API5: variants seen among roughly 807,000 people sequenced by gnomAD.
The protein encoded by API5 is apoptosis inhibitor 5.
API5 carries 6 observed loss-of-function variants against 71.9 expected under a neutral mutation model. That is an observed-to-expected ratio of 0.08 (90% CI 0.05 to 0.16). API5 has a LOEUF of 0.16. Among genes scored for constraint, API5 ranks in the 10% least tolerant of loss-of-function variants. API5 has a pLI of 1.00. For synonymous variants in API5, 189 were observed against 221.3 expected (o/e 0.85, Z 1.30); for missense variants, 332 against 612.8 (o/e 0.54, Z 4.84).
At chr11:43,314,679 A>C (rs1274512727) in intron 1 of API5, among the ~76,000 whole-genome samples, 1 of 152,218 alleles carries the variant, frequency 6.6e-6, no homozygotes, top group Non-Finnish European at 1.5e-5. Flanking sequence ...TCAAGCAACT[A>C]TTTAAACAGT....
intron 13 of API5, among the ~76,000 whole-genome samples, chr11:43,338,647 GTAAAAAAA>G (rs1855512859): frequency 4.5e-5 from 1 of 22,166 alleles, no homozygotes; most frequent in African/African-American, 7.3e-5. Context: ...TCAATTGGAG[GTAAAAAAA>G]AAAAAAAAAA....
chr11:43,316,219 T>C (rs1000111116), intron 1 of API5, among the ~76,000 whole-genome samples: 1 of 152,230 alleles, frequency 6.6e-6, no homozygotes, highest in Non-Finnish European at 1.5e-5. Context: ...CTCTGAGCCC[T>C]AGTTTCCTCA....
At chr11:43,318,933 C>G in intron 2 of API5, 132 bp downstream of exon 2, 3 of 841,956 alleles carry the variant, frequency 3.6e-6, no homozygotes, top group Non-Finnish European at 5.3e-6. Context: ...TGGCATCACA[C>G]CCAGGCTTAA....
At chr11:43,322,241 T>C (rs576423092) in intron 5 of API5, 105 bp downstream of exon 5, 5 of 1,121,754 alleles carry the variant, frequency 4.5e-6, no homozygotes, top group Admixed American at 5.4e-5. Context: ...TAAAATGATA[T>C]ATCATATATC....
chr11:43,325,175 G>A lies in API5; in HGVS notation c.751-1332G>A, dbSNP rs185511608. 2.4e-4 allele frequency among the ~76,000 whole-genome samples: 37 copies of A among 152,050 alleles called. 1 individual carries two copies. The highest frequency in any genetic ancestry group is 8.7e-4 in the African/African-American group (36 of 41,482). On this transcript the variant is annotated intron_variant, in intron 6 of 13. Transcript: ENST00000531273. Reference sequence around the variant, plus strand: ...CAAAATAAACTTGTACTTATAACATGTCTGAACAGGATATAGTTTGAGGAA... The same window carrying A: ...CAAAATAAACTTGTACTTATAACATATCTGAACAGGATATAGTTTGAGGAA...
chr11:43,342,359 C>T (rs1855645973), intron 13 of API5, 69 bp from the exon 14 acceptor site: 24 of 1,331,640 alleles, frequency 1.8e-5, no homozygotes, highest in South Asian at 7.0e-5. Context: ...TTATGAGCTA[C>T]GTTTCTTCTG....
At chr11:43,333,550 A>G (rs1270023341) in intron 11 of API5, among the ~76,000 whole-genome samples, 1 of 152,182 alleles carries the variant, frequency 6.6e-6, no homozygotes, top group African/African-American at 2.4e-5. Flanking sequence ...ACATTAATAC[A>G]GATAGATTAC....
chr11:43,324,785 C>G (rs544160999), intron 6 of API5, among the ~76,000 whole-genome samples: 49 of 152,178 alleles, frequency 3.2e-4, no homozygotes, highest in African/African-American at 1.2e-3. Context: ...TCAAGCAATT[C>G]TCGTGCCTCA....
intron 13 of API5, among the ~76,000 whole-genome samples, chr11:43,340,423 C>T (rs1022261598): frequency 6.6e-6 from 1 of 151,848 alleles, no homozygotes; most frequent in African/African-American, 2.4e-5. Flanking sequence ...GAAATTGCCA[C>T]CAAAAAAAAT....
chr11:43,335,488 A>AATGTAAAATCTAATTTCAATAT (rs1855402906), intron 12 of API5, 134 bp downstream of exon 12: 1 of 591,198 alleles, frequency 1.7e-6, no homozygotes, highest in East Asian at 3.0e-5. Context: ...TATGACTTAA[A>AATGTAAAATCTAATTTCAATAT]ATGTAAAATC....
intron 1 of API5, among the ~76,000 whole-genome samples, chr11:43,315,311 A>G (rs1165395684): frequency 6.6e-6 from 1 of 152,150 alleles, no homozygotes; most frequent in African/African-American, 2.4e-5. Flanking sequence ...ACTTACTAAT[A>G]ATGCTTCAGA....
intron 13 of API5, 57 bp from the exon 14 acceptor site, chr11:43,342,371 G>T (rs1197067294): frequency 6.9e-7 from 1 of 1,456,040 alleles, no homozygotes; most frequent in African/African-American, 1.4e-5. Flanking sequence ...TTTCTTCTGC[G>T]TTTGCTGCAC....
At chr11:43,325,358 C>T (rs550052085) in intron 6 of API5, among the ~76,000 whole-genome samples, 1 of 152,128 alleles carries the variant, frequency 6.6e-6, no homozygotes, top group Non-Finnish European at 1.5e-5. Context: ...GAGACAATGT[C>T]CCCAAAGAAA....
chr11:43,325,850 A>C (rs1297269021), intron 6 of API5, among the ~76,000 whole-genome samples: 1 of 152,172 alleles, frequency 6.6e-6, no homozygotes, highest in Non-Finnish European at 1.5e-5. Context: ...GGGATGCTCA[A>C]GACATTTTGC....
At chr11:43,320,978 G>C in intron 3 of API5, 64 bp downstream of exon 3, 1 of 1,388,764 alleles carries the variant, frequency 7.2e-7, no homozygotes, top group Non-Finnish European at 1.0e-6. Context: ...TGTTGACTCT[G>C]TTTTTAGGTT....
In API5 at chr11:43,320,945, A is replaced by G. The variant is rs73547383; in HGVS notation, c.325+31A>G. 2,861 of 1,528,972 alleles carry G rather than the reference A, an allele frequency of 1.9e-3. 53 individuals carry two copies. The African/African-American group carries it at 0.033, about 18-fold the overall frequency. The allele number at this position is 1,528,972 out of a possible 1,614,324, so 94.7% of individuals were successfully genotyped here. A position where few individuals can be genotyped will look rare whatever the true frequency, so the allele number is the denominator to read the frequency against. The stretch of plus-strand genomic sequence containing the variant: ...GGATTTTATTATTACCTTTTTCTCT[A>G]AATATATATCTTCTTTCTGAAATGT... On this transcript the variant is annotated intron_variant, in intron 3 of 13. Coordinates refer to ENST00000531273, the MANE Select transcript of API5 (RefSeq NM_001142930.2).
intron 5 of API5, among the ~76,000 whole-genome samples, chr11:43,322,616 C>A (rs763032327): frequency 3.4e-4 from 51 of 152,188 alleles, no homozygotes; most frequent in Non-Finnish European, 6.5e-4. Flanking sequence ...CTAAGATTGG[C>A]AAGGTGCGTC....
chr11:43,329,534 A>G (rs996265436), intron 9 of API5, among the ~76,000 whole-genome samples: 1 of 152,204 alleles, frequency 6.6e-6, no homozygotes, highest in African/African-American at 2.4e-5. Context: ...ATAGAGTTGT[A>G]AGAATTTAAT....
At chr11:43,323,849 A>G (rs1374679867) in intron 6 of API5, among the ~76,000 whole-genome samples, 1 of 152,124 alleles carries the variant, frequency 6.6e-6, no homozygotes, top group Admixed American at 6.5e-5. Flanking sequence ...TTTAATGAGC[A>G]TTTCCTTTGA....
Sources: allele counts gnomAD v4.1 joint callset (sites outside exome capture counted in the v4.1 genomes callset), GRCh38; gene constraint gnomAD v4.1.1; transcripts MANE v1.5; gene names NCBI Gene and HGNC (gene_info 2026-07-23, HGNC 2026-07-21).